Variants in HPSE2 observed in about 807,000 individuals in gnomAD.
HPSE2 encodes inactive heparanase-2.
A neutral mutation model predicts 60.5 loss-of-function variants in HPSE2; 38 were observed. That is an observed-to-expected ratio of 0.63 (90% CI 0.48 to 0.82). The LOEUF (loss-of-function observed/expected upper bound fraction) is 0.82. Among genes scored for constraint, HPSE2 ranks in the 40% least tolerant of loss-of-function variants. HPSE2 has a pLI of 0.00. For synonymous variants in HPSE2, 295 were observed against 293.2 expected, an observed-to-expected ratio of 1.01 and a Z score of -0.06; for missense variants, 713 against 740.4, an observed-to-expected ratio of 0.96 and a Z score of 0.43.
intron 6 of HPSE2, among the ~76,000 whole-genome samples, chr10:98,669,437 T>C (rs1316463497): frequency 6.6e-6 from 1 of 152,246 alleles, no homozygotes; most frequent in Non-Finnish European, 1.5e-5. Context: ...TGCACTTCTA[T>C]GTTCATGGCT....
chr10:98,512,092 T>C (rs1324223689), intron 9 of HPSE2, among the ~76,000 whole-genome samples: 1 of 152,242 alleles, frequency 6.6e-6, no homozygotes, highest in Non-Finnish European at 1.5e-5. Flanking sequence ...TGTGGCAGGA[T>C]GCCAGAGCTA....
At chr10:98,635,404 A>G (rs1946470542) in intron 7 of HPSE2, among the ~76,000 whole-genome samples, 1 of 152,202 alleles carries the variant, frequency 6.6e-6, no homozygotes, top group Admixed American at 6.5e-5. Flanking sequence ...GAAAATAAGT[A>G]TGCCAAAGAG....
At chr10:98,651,867 G>T (rs1946926117) in intron 6 of HPSE2, among the ~76,000 whole-genome samples, 1 of 151,880 alleles carries the variant, frequency 6.6e-6, no homozygotes, top group Non-Finnish European at 1.5e-5. Flanking sequence ...CCGCCTACTG[G>T]GTTCAAGCAA....
the HPSE2 span, among the ~76,000 whole-genome samples, chr10:99,249,674 G>A: frequency 1.3e-5 from 2 of 152,108 alleles, no homozygotes; most frequent in Non-Finnish European, 2.9e-5. Flanking sequence ...AATTTGGGAG[G>A]GATTGTGGGC....
chr10:99,251,862 CAAA>C, the HPSE2 span, among the ~76,000 whole-genome samples: 94 of 57,284 alleles, frequency 1.6e-3, 1 homozygote, highest in African/African-American at 5.6e-3. Context: ...CTCTCTCTAC[CAAA>C]AAAAAAAAAA....
chr10:99,106,039 A>C (rs1006756831), intron 3 of HPSE2, among the ~76,000 whole-genome samples: 1 of 152,168 alleles, frequency 6.6e-6, no homozygotes, highest in Non-Finnish European at 1.5e-5. Flanking sequence ...ATTGAGTAGT[A>C]AAAATTTTCT....
At chr10:98,480,054 T>G (rs982655181) in intron 11 of HPSE2, among the ~76,000 whole-genome samples, 1 of 152,050 alleles carries the variant, frequency 6.6e-6, no homozygotes, top group Non-Finnish European at 1.5e-5. Context: ...TAAGGATCCC[T>G]GTAGAATGAA....
chr10:98,641,924 G>A lies in HPSE2; in HGVS notation c.1021C>T (p.Arg341Trp), dbSNP rs1355298418. The part of the protein sequence containing the change: ...VTWQHCYIDG[R>W]VVKVMDFLKT... ...AGGAAGTCCATCACCTTGACCACCC[G>A]GCCATCAATGTAGCAACTGGAATAA... The change falls in exon 7 of 12, where the codon CGG becomes TGG. Residue 341 changes from arginine to tryptophan, a missense_variant. Arg to Trp is a moderately radical substitution (Grantham distance 101). Transcript: ENST00000370552. 2.1e-5 allele frequency: 34 copies of A among 1,613,034 alleles called. No individual in the cohort carries two copies. Among genetic ancestry groups the A allele is most frequent in the South Asian group, 9.9e-5 (9 of 91,052 alleles).
chr10:99,212,785 C>T (rs889743050), intron 2 of HPSE2, among the ~76,000 whole-genome samples: 1 of 152,194 alleles, frequency 6.6e-6, no homozygotes, highest in Admixed American at 6.5e-5. Context: ...TAAGTATTCT[C>T]ACCACAGAAA....
Position 98,974,977 on chromosome 10 carries a change from G to A in HPSE2, c.610+169261C>T, listed in dbSNP as rs117966538. Among the ~76,000 whole-genome samples, 36 of 152,188 alleles carry A rather than the reference G, an allele frequency of 2.4e-4. 1 individual carries two copies. In the East Asian group the frequency reaches 6.9e-3, roughly 29 times the overall value. On this transcript the variant is annotated intron_variant, in intron 3 of 11. Transcript: ENST00000370552. ...TCAACATAGTAGTTTTGTTATTCTA[G>A]TATTCAATATAGCAGATGAAATGTG...
rs537853255 is a variant in HPSE2, at chr10:98,666,518, G to A, written c.1005-24578C>T. 7.2e-4 allele frequency among the ~76,000 whole-genome samples: 110 copies of A among 152,232 alleles called. 1 individual carries two copies. Among genetic ancestry groups the A allele is most frequent in the African/African-American group, 2.5e-3 (103 of 41,550 alleles). On this transcript the variant is annotated intron_variant, in intron 6 of 11. Transcript: ENST00000370552. ...TGCTCATGGAACATATTCTAAGATT[G>A]ACTACATGCTGAGTCATAGAGCAAG...
chr10:98,527,387 C>T (rs549311238), intron 9 of HPSE2, among the ~76,000 whole-genome samples: 2 of 152,316 alleles, frequency 1.3e-5, no homozygotes, highest in South Asian at 4.1e-4. Context: ...GCTCAGCTCT[C>T]CAACCTCGTT....
At chr10:98,665,158 C>A (rs1440882780) in intron 6 of HPSE2, among the ~76,000 whole-genome samples, 1 of 152,074 alleles carries the variant, frequency 6.6e-6, no homozygotes, top group Admixed American at 6.6e-5. Context: ...ATAATCAGAA[C>A]CACTAACAGC....
Position 98,614,941 on chromosome 10 carries a change from T to G in HPSE2, c.1283A>C (p.Tyr428Ser). The G allele has an allele frequency of 6.2e-7, 1 of 1,614,076 alleles. No individual in the cohort carries two copies. The highest frequency in any genetic ancestry group is 8.5e-7 in the Non-Finnish European group (1 of 1,179,912). Residue 428 changes from tyrosine to serine, a missense_variant, in exon 9 of 12, where the codon TAC (tyrosine) becomes TCC (serine). By Grantham distance (144) the Tyr-to-Ser change is moderately radical (BLOSUM62 -2). Coordinates refer to ENST00000370552, the MANE Select transcript of HPSE2 (RefSeq NM_021828.5). ...VIRHSFFDHGYNHLVDQNFNP... is the reference protein window; with the variant it reads ...VIRHSFFDHGSNHLVDQNFNP... ...AAAATTCTGGTCCACGAGGTGATTG[T>G]ATCCATGGTCAAAAAATGAGTGCCG...
At chr10:99,247,696 G>A in the HPSE2 span, among the ~76,000 whole-genome samples, 794 of 152,246 alleles carry the variant, frequency 5.2e-3, 6 homozygotes, top group African/African-American at 0.018. Flanking sequence ...GTAAAGAGTT[G>A]GTGATATGGT....
At position 98,985,977 on chromosome 10, in the gene HPSE2, C is replaced by A. The variant is rs1175170773; in HGVS notation, c.610+158261G>T. Reference sequence around the variant, plus strand: ...TATATATGCACCCAACACAGGAGCACCCAGATTCATAAAGCAAGTCCTTAG... The same window carrying A: ...TATATATGCACCCAACACAGGAGCAACCAGATTCATAAAGCAAGTCCTTAG... On this transcript the variant is annotated intron_variant, in intron 3 of 11. Coordinates refer to ENST00000370552, the MANE Select transcript of HPSE2 (RefSeq NM_021828.5). 7.9e-5 allele frequency among the ~76,000 whole-genome samples: 12 copies of A among 152,216 alleles called. No homozygotes were observed. In the East Asian group the frequency reaches 1.9e-3, roughly 24 times the overall value.
chr10:99,021,107 C>T (rs1957251900), intron 3 of HPSE2, among the ~76,000 whole-genome samples: 1 of 152,198 alleles, frequency 6.6e-6, no homozygotes, highest in Non-Finnish European at 1.5e-5. Context: ...TTACAGTTTA[C>T]ACACCTGTCT....
chr10:98,728,808 G>A (rs1037740529), intron 4 of HPSE2, among the ~76,000 whole-genome samples: 2 of 152,048 alleles, frequency 1.3e-5, no homozygotes, highest in African/African-American at 4.8e-5. Context: ...AGGTGTTCAA[G>A]ACCATCCTAG....
chr10:99,213,455 A>G lies in HPSE2; in HGVS notation c.448+18893T>C, dbSNP rs192716792. The stretch of plus-strand genomic sequence containing the variant: ...ATGTCCATGATCAAAGGAAAGCATC[A>G]TCATATTTCATTGAGCATTTGGCAA... On this transcript the variant is annotated intron_variant, in intron 2 of 11. Coordinates refer to ENST00000370552, the MANE Select transcript of HPSE2 (RefSeq NM_021828.5). 3.3e-3 allele frequency among the ~76,000 whole-genome samples: 502 copies of G among 152,210 alleles called. 4 individuals carry two copies. Among genetic ancestry groups the G allele is most frequent in the Non-Finnish European group, 3.5e-3 (238 of 68,006 alleles).
Sources: gnomAD v4.1 joint callset for allele counts (sites outside exome capture counted in the v4.1 genomes callset) on GRCh38, gnomAD v4.1.1 for gene constraint, MANE v1.5 for transcripts, NCBI Gene and HGNC (gene_info 2026-07-23, HGNC 2026-07-21) for gene names.